Variants in ADAMTS3 observed in about 807,000 individuals in gnomAD.
The protein encoded by ADAMTS3 is ADAM metallopeptidase with thrombospondin type 1 motif 3, also known as A disintegrin and metalloproteinase with thrombospondin motifs 3.
In ADAMTS3, 73 loss-of-function variants were observed where a neutral mutation model predicts 129.0. The observed-to-expected ratio is 0.57, with a 90% CI of 0.47 to 0.69. ADAMTS3 has a LOEUF of 0.69. Among genes scored for constraint, ADAMTS3 ranks in the 30% least tolerant of loss-of-function variants. ADAMTS3 has a pLI of 0.00. For synonymous variants in ADAMTS3, 477 were observed against 510.8 expected, an observed-to-expected ratio of 0.93 and a Z score of 0.89; for missense variants, 1,457 against 1,514.5, an observed-to-expected ratio of 0.96 and a Z score of 0.63.
intron 3 of ADAMTS3, among the ~76,000 whole-genome samples, chr4:72,423,948 C>T (rs992890049): frequency 6.6e-6 from 1 of 152,048 alleles, no homozygotes; most frequent in African/African-American, 2.4e-5. Context: ...ATTTTAAAGC[C>T]AGAGGGAATT....
chr4:72,447,119 T>A (rs544975969), intron 3 of ADAMTS3, among the ~76,000 whole-genome samples: 1 of 151,786 alleles, frequency 6.6e-6, no homozygotes, highest in Non-Finnish European at 1.5e-5. Flanking sequence ...AATAGGCAAC[T>A]GTTCTTACGG....
At position 72,300,569 on chromosome 4, in the gene ADAMTS3, T is replaced by C. The variant is rs138922329; in HGVS notation, c.2425-2127A>G. On this transcript the variant is annotated intron_variant, in intron 17 of 21. Coordinates refer to ENST00000286657, the MANE Select transcript of ADAMTS3 (RefSeq NM_014243.3). ...TAGAATAGACCCACATAAATGTGGA[T>C]AATTAATTTTGACACAATTGAAAGG... Among the ~76,000 whole-genome samples, 40 of 152,314 alleles carry C rather than the reference T, an allele frequency of 2.6e-4. No individual in the cohort carries two copies. In the East Asian group the frequency reaches 7.7e-3, roughly 29 times the overall value.
intron 3 of ADAMTS3, among the ~76,000 whole-genome samples, chr4:72,488,350 T>A (rs1719644555): frequency 1.3e-5 from 2 of 152,000 alleles, no homozygotes; most frequent in Admixed American, 1.3e-4. Context: ...GTTCTTGAAT[T>A]TTAAGGATTT....
At chr4:72,447,718 T>C (rs888713947) in intron 3 of ADAMTS3, among the ~76,000 whole-genome samples, 1 of 151,698 alleles carries the variant, frequency 6.6e-6, no homozygotes, top group Non-Finnish European at 1.5e-5. Flanking sequence ...TTGCAGTAGA[T>C]TACTAAACAT....
Position 72,505,162 on chromosome 4 carries a change from A to T in ADAMTS3, c.504+43316T>A, listed in dbSNP as rs969022973. ...TTCATGGTGTCAGAATTCTTGTGCT[A>T]GTTCCTTATCATTTGGAGATGCTGG... is the stretch of plus-strand genomic sequence containing the variant. On this transcript the variant is annotated intron_variant, in intron 3 of 21. Transcript: ENST00000286657. Among the ~76,000 whole-genome samples, 4 of 152,282 alleles carry T rather than the reference A, an allele frequency of 2.6e-5. No homozygotes were observed. The South Asian group carries it at 8.3e-4, about 32-fold the overall frequency.
intron 3 of ADAMTS3, among the ~76,000 whole-genome samples, chr4:72,451,722 G>A (rs897451383): frequency 4.0e-5 from 6 of 150,784 alleles, no homozygotes; most frequent in Admixed American, 6.6e-5. Context: ...AATTATATAC[G>A]TTAAAGGAAA....
At chr4:72,373,420 G>C (rs952447057) in intron 4 of ADAMTS3, among the ~76,000 whole-genome samples, 6 of 152,038 alleles carry the variant, frequency 3.9e-5, no homozygotes, top group African/African-American at 7.3e-5. Flanking sequence ...AAAAATTGTG[G>C]TACACTTATA....
intron 3 of ADAMTS3, among the ~76,000 whole-genome samples, chr4:72,475,757 GA>G (rs1173426835): frequency 3.4e-5 from 5 of 148,958 alleles, no homozygotes; most frequent in South Asian, 2.1e-4. Flanking sequence ...CCTCATCTAT[GA>G]AAAAAAAACA....
Position 72,310,334 on chromosome 4 carries a change from C to T in ADAMTS3, c.2055+714G>A, listed in dbSNP as rs758798245. Among the ~76,000 whole-genome samples the T allele has an allele frequency of 2.0e-5, 3 of 152,026 alleles. No homozygotes were observed. The South Asian group carries it at 6.2e-4, about 32-fold the overall frequency. On this transcript the variant is annotated intron_variant, in intron 14 of 21. Transcript: ENST00000286657. ...GCAGGGAAAATAAAGACAACACATACGTTTAATGTACTAGGTACTGCGGCA... is the reference window on the plus strand; with the variant it reads ...GCAGGGAAAATAAAGACAACACATATGTTTAATGTACTAGGTACTGCGGCA...
At chr4:72,428,374 T>G (rs1722620039) in intron 3 of ADAMTS3, among the ~76,000 whole-genome samples, 1 of 152,094 alleles carries the variant, frequency 6.6e-6, no homozygotes, top group South Asian at 2.1e-4. Flanking sequence ...GGGCTTTTCA[T>G]GTTAAGATAT....
chr4:72,491,442 T>C (rs930919287), intron 3 of ADAMTS3, among the ~76,000 whole-genome samples: 2 of 151,834 alleles, frequency 1.3e-5, no homozygotes, highest in Admixed American at 6.6e-5. Context: ...GTTTTTCATA[T>C]ATAGACTTCA....
intron 3 of ADAMTS3, among the ~76,000 whole-genome samples, chr4:72,542,299 G>A (rs1721352732): frequency 6.6e-6 from 1 of 151,920 alleles, no homozygotes; most frequent in Non-Finnish European, 1.5e-5. Context: ...CGAGTCGCTG[G>A]GACTACAGGC....
At position 72,568,799 on chromosome 4, in the gene ADAMTS3, C is replaced by G; in HGVS notation, c.-37G>C. On this transcript the variant is annotated 5_prime_UTR_variant, in exon 1 of 22. Coordinates refer to ENST00000286657, the MANE Select transcript of ADAMTS3 (RefSeq NM_014243.3). ...TTCACTTTCCAACTACTGGGCAAAG[C>G]AAATGCCCAGAGCAAACCCACCCCC... is the stretch of plus-strand genomic sequence containing the variant. The G allele has an allele frequency of 6.5e-7, 1 of 1,536,252 alleles. No individual in the cohort carries two copies. Among genetic ancestry groups the G allele is most frequent in the South Asian group, 1.1e-5 (1 of 89,032 alleles).
intron 3 of ADAMTS3, among the ~76,000 whole-genome samples, chr4:72,490,512 G>C (rs923238853): frequency 1.3e-5 from 2 of 151,726 alleles, no homozygotes; most frequent in Admixed American, 6.6e-5. Context: ...TAATACATTT[G>C]AACGGAATTT....
chr4:72,489,624 ATCTCAATGGCTACG>A (rs1283205886), intron 3 of ADAMTS3, among the ~76,000 whole-genome samples: 2 of 151,886 alleles, frequency 1.3e-5, no homozygotes, highest in Non-Finnish European at 2.9e-5. Flanking sequence ...CTAACACTAC[ATCTCAATGGCTACG>A]GCATTCACCT....
intron 3 of ADAMTS3, among the ~76,000 whole-genome samples, chr4:72,541,655 C>T (rs1256324545): frequency 6.6e-6 from 1 of 152,030 alleles, no homozygotes; most frequent in Non-Finnish European, 1.5e-5. Context: ...TGCGTTTTTC[C>T]CATGCTGTTT....
chr4:72,314,522 T>C (rs2109801127), intron 11 of ADAMTS3, among the ~76,000 whole-genome samples: 1 of 152,276 alleles, frequency 6.6e-6, no homozygotes, highest in African/African-American at 2.4e-5. Context: ...TTTTCCTCTC[T>C]AACATTTTGA....
At chr4:72,553,391 G>C (rs1331266131) in intron 2 of ADAMTS3, among the ~76,000 whole-genome samples, 1 of 152,122 alleles carries the variant, frequency 6.6e-6, no homozygotes, top group Non-Finnish European at 1.5e-5. Context: ...CCCCCACTCT[G>C]CCATCTCTTT....
intron 4 of ADAMTS3, among the ~76,000 whole-genome samples, chr4:72,403,545 C>T (rs1181825020): frequency 6.6e-6 from 1 of 151,848 alleles, no homozygotes; most frequent in Non-Finnish European, 1.5e-5. Flanking sequence ...CCAAGGTTCT[C>T]CTAGTTACTT....
Sources: allele counts gnomAD v4.1 joint callset (sites outside exome capture counted in the v4.1 genomes callset), GRCh38; gene constraint gnomAD v4.1.1; transcripts MANE v1.5; gene names NCBI Gene and HGNC (gene_info 2026-07-23, HGNC 2026-07-21).